Variants in STK10 observed in about 807,000 individuals in gnomAD.
The protein encoded by STK10 is serine/threonine-protein kinase 10.
Under a neutral mutation model 113.8 loss-of-function variants are expected in STK10, and 78 were observed. That is an observed-to-expected ratio of 0.69 (90% CI 0.57 to 0.83). The LOEUF is 0.83. STK10 is among the 40% of genes least tolerant of loss of function. The pLI is 0.00. For missense variants in STK10, 1,109 were observed against 1,280.1 expected (o/e 0.87, Z 2.04); for synonymous variants, 465 against 494.7 (o/e 0.94, Z 0.80).
chr5:172,109,363 C>G (rs1172672578), intron 4 of STK10, among the ~76,000 whole-genome samples: 1 of 151,238 alleles, frequency 6.6e-6, no homozygotes, highest in Non-Finnish European at 1.5e-5. Context: ...CACTCTGTCA[C>G]CCAAGCTGGA....
chr5:172,137,740 A>T (rs1230214895), intron 2 of STK10, among the ~76,000 whole-genome samples: 1 of 150,800 alleles, frequency 6.6e-6, no homozygotes, highest in East Asian at 2.0e-4. Flanking sequence ...AAAAAAAAAA[A>T]AAATTAGCCG....
chr5:172,065,687 C>T (rs553537813), intron 12 of STK10, among the ~76,000 whole-genome samples: 49 of 152,318 alleles, frequency 3.2e-4, no homozygotes, highest in African/African-American at 1.2e-3. Flanking sequence ...GCACGTGACC[C>T]TCACTGGTCC....
At chr5:172,177,383 T>A (rs1014707709) in intron 1 of STK10, among the ~76,000 whole-genome samples, 1 of 152,256 alleles carries the variant, frequency 6.6e-6, no homozygotes, top group Admixed American at 6.5e-5. Context: ...TGGTATTTTG[T>A]CACGGCAGCC....
At chr5:172,062,566 T>C (rs1440279085) in intron 13 of STK10, among the ~76,000 whole-genome samples, 1 of 152,186 alleles carries the variant, frequency 6.6e-6, no homozygotes, top group Non-Finnish European at 1.5e-5. Flanking sequence ...TATTCAGCCT[T>C]AAAAAGGAAG....
chr5:172,127,526 G>A, intron 2 of STK10, 105 bp from the exon 3 acceptor site: 1 of 1,209,184 alleles, frequency 8.3e-7, no homozygotes, highest in South Asian at 1.3e-5. Context: ...CCAATGCCTG[G>A]GTGCCCCTGC....
intron 2 of STK10, among the ~76,000 whole-genome samples, chr5:172,145,745 A>G (rs1467300479): frequency 6.6e-6 from 1 of 152,200 alleles, no homozygotes; most frequent in Non-Finnish European, 1.5e-5. Context: ...TCATCTGTAA[A>G]GTGGGGGTGA....
chr5:172,128,221 CAAAAAA>C (rs35298910), intron 2 of STK10, among the ~76,000 whole-genome samples: 2 of 77,252 alleles, frequency 2.6e-5, no homozygotes, highest in African/African-American at 9.5e-5. Context: ...GACTCCGTCT[CAAAAAA>C]AAAAAAAAAA....
chr5:172,049,526 C>T (rs978797820), intron 18 of STK10, among the ~76,000 whole-genome samples: 10 of 151,006 alleles, frequency 6.6e-5, no homozygotes, highest in Non-Finnish European at 1.3e-4. Flanking sequence ...GAGCACAAGT[C>T]GGGGATGAGA....
At chr5:172,134,952 C>T (rs1402646980) in intron 2 of STK10, among the ~76,000 whole-genome samples, 1 of 151,446 alleles carries the variant, frequency 6.6e-6, no homozygotes, top group Non-Finnish European at 1.5e-5. Context: ...AAAAAGTAAC[C>T]CACAAATGGA....
At chr5:172,141,225 G>A (rs1769966126) in intron 2 of STK10, among the ~76,000 whole-genome samples, 1 of 152,172 alleles carries the variant, frequency 6.6e-6, no homozygotes, top group South Asian at 2.1e-4. Context: ...ACAATGTGCT[G>A]TACACGTTAA....
Position 172,051,916 on chromosome 5 carries a change from AAG to A in STK10, c.2766+1011_2766+1012del, listed in dbSNP as rs575143408. Among the ~76,000 whole-genome samples, 651 of 152,292 alleles carry A rather than the reference AAG, an allele frequency of 4.3e-3. 7 individuals are homozygous for A. Among genetic ancestry groups the A allele is most frequent in the African/African-American group, 0.015 (610 of 41,566 alleles). On this transcript the variant is annotated intron_variant, in intron 18 of 18. Coordinates refer to ENST00000176763, the MANE Select transcript of STK10 (RefSeq NM_005990.4). The stretch of plus-strand genomic sequence containing the variant: ...AAATTGTGACAGGGCTTCGCAGAGA[AAG>A]AGAGAGACAGGGCAGTAAAGAAAGA...
intron 8 of STK10, among the ~76,000 whole-genome samples, chr5:172,096,104 T>C (rs972035433): frequency 1.3e-5 from 2 of 152,206 alleles, no homozygotes; most frequent in African/African-American, 4.8e-5. Flanking sequence ...TCATTTGGTA[T>C]GTGAGCTGTG....
intron 18 of STK10, among the ~76,000 whole-genome samples, chr5:172,052,306 A>G (rs74871883): frequency 6.6e-6 from 1 of 152,258 alleles, no homozygotes; most frequent in East Asian, 1.9e-4. Context: ...CCTCAGACCT[A>G]CAGCCATAAG....
intron 5 of STK10, 72 bp downstream of exon 5, chr5:172,107,708 A>G: frequency 7.4e-7 from 1 of 1,353,844 alleles, no homozygotes; most frequent in South Asian, 1.2e-5. Context: ...CTCTCTGTCT[A>G]AAGCGCCTGG....
chr5:172,085,807 C>A (rs928087582), intron 10 of STK10, among the ~76,000 whole-genome samples: 2 of 152,126 alleles, frequency 1.3e-5, no homozygotes, highest in Admixed American at 6.5e-5. Flanking sequence ...AGGCTCCTGG[C>A]GGCCTCTCAG....
In STK10 at chr5:172,147,969, C is replaced by T. The variant is rs116269166; in HGVS notation, c.321+8655G>A. Among the ~76,000 whole-genome samples the T allele has an allele frequency of 2.0e-3, 308 of 152,302 alleles. 2 individuals are homozygous for T. Among genetic ancestry groups the T allele is most frequent in the African/African-American group, 7.2e-3 (298 of 41,568 alleles). ...GTGATCGTATCACACCTGCCATCTG[C>T]GTAGCCTGTGGGCGTGGTTCACACA... On this transcript the variant is annotated intron_variant, in intron 2 of 18. Transcript: ENST00000176763.
Position 172,188,196 on chromosome 5 carries a change from T to A in STK10, c.-154A>T. 1 of 1,336,572 alleles carries A rather than the reference T, an allele frequency of 7.5e-7. No homozygotes were observed. The highest frequency in any genetic ancestry group is 9.9e-7 in the Non-Finnish European group (1 of 1,011,424). 82.8% of individuals were successfully genotyped at this position (1,336,572 alleles called of 1,614,324 possible). On this transcript the variant is annotated 5_prime_UTR_variant, in exon 1 of 19. Coordinates refer to ENST00000176763, the MANE Select transcript of STK10 (RefSeq NM_005990.4). The surrounding 1 kb of genome is among the most constrained non-coding windows in gnomAD (Gnocchi z 5.6). ...TCCCCGCAGCCCGACCTCGGTCAAG[T>A]GTGCCCTGGGCAGCGCCGCGCCGGG...
chr5:172,142,626 A>G (rs1377371049), intron 2 of STK10, among the ~76,000 whole-genome samples: 3 of 152,216 alleles, frequency 2.0e-5, no homozygotes, highest in Admixed American at 2.0e-4. Context: ...AAATGCCTGG[A>G]CCTCATAAGA....
Position 172,093,791 on chromosome 5 carries a change from C to G in STK10, c.1175G>C (p.Ser392Thr), listed in dbSNP as rs895583796. ...ATTTCCAGGGGCCACGACTGGGGGA[C>G]TGGTGGTTTGGAGGGATCTGTCCCC... ...PSGDRSLQTTSPPVVAPGNEN... is the reference protein window; with the variant it reads ...PSGDRSLQTTTPPVVAPGNEN... Residue 392 changes from serine to threonine, a missense_variant, in exon 9 of 19, where the codon AGT becomes ACT. Ser to Thr is a moderately conservative substitution (Grantham distance 58). Transcript: ENST00000176763. The surrounding 1 kb of genome is among the most constrained non-coding windows in gnomAD (Gnocchi z 4.1). 10 of 1,608,628 alleles carry G rather than the reference C, an allele frequency of 6.2e-6. No homozygotes were observed. The highest frequency in any genetic ancestry group is 8.5e-6 in the Non-Finnish European group (10 of 1,175,842).
Sources: gnomAD v4.1 joint callset for allele counts (sites outside exome capture counted in the v4.1 genomes callset) on GRCh38, gnomAD v4.1.1 for gene constraint, Gnocchi (gnomAD v3.1) non-coding constraint, MANE v1.5 for transcripts, NCBI Gene and HGNC (gene_info 2026-07-23, HGNC 2026-07-21) for gene names.